The following PACS1 variants were observed in gnomAD, a reference collection of about 807,000 sequenced individuals.
PACS1 encodes PACS-1.
A neutral mutation model predicts 115.0 loss-of-function variants in PACS1; 24 were observed. The observed-to-expected ratio is 0.21, with a 90% CI of 0.15 to 0.29. The LOEUF (loss-of-function observed/expected upper bound fraction) is 0.29, where lower values mean the gene tolerates loss of function less well. Ranked by LOEUF, PACS1 falls within the 10% of genes least tolerant of loss-of-function variation. The pLI is 1.00. For synonymous variants in PACS1, 453 were observed against 504.5 expected (o/e 0.90, Z 1.37); for missense variants, 838 against 1,251.2 (o/e 0.67, Z 4.98).
At chr11:66,164,448 A>T (rs7127808) in intron 1 of PACS1, among the ~76,000 whole-genome samples, 32,775 of 148,858 alleles carry the variant, frequency 0.22, 3,829 homozygotes, top group East Asian at 0.34. Context: ...TAAAAAAAAA[A>T]TTTTTTTCAT....
At chr11:66,162,124 T>C (rs1859503052) in intron 1 of PACS1, among the ~76,000 whole-genome samples, 1 of 129,260 alleles carries the variant, frequency 7.7e-6, no homozygotes, top group African/African-American at 2.9e-5. Flanking sequence ...TTTTTTTTTT[T>C]TTTTTTTTTT....
At chr11:66,139,270 C>T (rs1858922150) in intron 1 of PACS1, among the ~76,000 whole-genome samples, 1 of 152,132 alleles carries the variant, frequency 6.6e-6, no homozygotes, top group Non-Finnish European at 1.5e-5. Context: ...GCAGGCAATG[C>T]ATAATAATCA....
At chr11:66,176,710 G>A (rs1422418957) in intron 1 of PACS1, among the ~76,000 whole-genome samples, 2 of 151,950 alleles carry the variant, frequency 1.3e-5, no homozygotes, top group African/African-American at 4.8e-5. Flanking sequence ...CATCATGCCC[G>A]GTCCATATAC....
Position 66,124,735 on chromosome 11 carries a change from C to CTT in PACS1, c.356+53895_356+53896dup, listed in dbSNP as rs745561793. ...TCAGTGTGTGTCATCAGTTAGAATG[C>CTT]TTTCACCTTCAAGAAACAGAAAAGC... On this transcript the variant is annotated intron_variant, in intron 1 of 23. Coordinates refer to ENST00000320580, the MANE Select transcript of PACS1 (RefSeq NM_018026.4). Among the ~76,000 whole-genome samples, 11 of 152,294 alleles carry CTT rather than the reference C, an allele frequency of 7.2e-5. No homozygotes were observed. The East Asian group carries it at 9.6e-4, about 13-fold the overall frequency.
chr11:66,086,295 C>T (rs1288864799), intron 1 of PACS1, among the ~76,000 whole-genome samples: 1 of 151,810 alleles, frequency 6.6e-6, no homozygotes, highest in Non-Finnish European at 1.5e-5. Flanking sequence ...CCCGCTACCT[C>T]GCCCGGCTAA....
intron 1 of PACS1, among the ~76,000 whole-genome samples, chr11:66,113,936 T>G (rs1473380982): frequency 6.6e-6 from 1 of 152,180 alleles, no homozygotes; most frequent in African/African-American, 2.4e-5. Flanking sequence ...GGGTATGATG[T>G]GAAAGTGCCA....
At chr11:66,100,796 T>C in intron 1 of PACS1, 1 of 456,308 alleles carries the variant, frequency 2.2e-6, no homozygotes, top group Non-Finnish European at 4.4e-6. Flanking sequence ...TGATGCCAGC[T>C]ATTAGCTGGG....
chr11:66,228,311 C>T (rs964689001), intron 11 of PACS1, among the ~76,000 whole-genome samples: 2 of 152,012 alleles, frequency 1.3e-5, no homozygotes, highest in South Asian at 2.1e-4. Context: ...ATGAGCCTCA[C>T]GGTGGGACCT....
chr11:66,166,272 C>T (rs950220520), intron 1 of PACS1, among the ~76,000 whole-genome samples: 15 of 151,978 alleles, frequency 9.9e-5, no homozygotes, highest in African/African-American at 2.9e-4. Context: ...CTCAGCCTCC[C>T]GAGTAGCTGG....
chr11:66,212,513 C>T (rs1344847735), intron 4 of PACS1, among the ~76,000 whole-genome samples: 1 of 151,660 alleles, frequency 6.6e-6, no homozygotes, highest in Non-Finnish European at 1.5e-5. Context: ...TCAAGCAATC[C>T]TCCCTCCTTG....
intron 1 of PACS1, among the ~76,000 whole-genome samples, chr11:66,115,438 G>A (rs933096910): frequency 2.0e-4 from 30 of 152,192 alleles, no homozygotes; most frequent in African/African-American, 6.0e-4. Context: ...TGGTTTATTA[G>A]CACTCAAAAT....
At chr11:66,096,865 CTTT>C (rs549622182) in intron 1 of PACS1, among the ~76,000 whole-genome samples, 5 of 140,950 alleles carry the variant, frequency 3.5e-5, no homozygotes, top group Non-Finnish European at 4.7e-5. Context: ...CTCTCTCTCT[CTTT>C]TTTTTTTTTT....
intron 7 of PACS1, chr11:66,218,089 C>T (rs1224301793): frequency 6.5e-6 from 1 of 152,894 alleles, no homozygotes. Context: ...CATGCGCATT[C>T]TTCTCTCCCA....
At chr11:66,191,163 G>A (rs1381393036) in intron 1 of PACS1, among the ~76,000 whole-genome samples, 5 of 152,142 alleles carry the variant, frequency 3.3e-5, no homozygotes, top group Non-Finnish European at 7.4e-5. Flanking sequence ...TCTTGAGGCT[G>A]CATATTCCTT....
intron 11 of PACS1, among the ~76,000 whole-genome samples, chr11:66,230,155 A>ATT (rs1565156268): frequency 8.4e-4 from 117 of 139,870 alleles, no homozygotes; most frequent in African/African-American, 2.9e-3. Flanking sequence ...AAAAAAAAAG[A>ATT]AAAAAAAAAA....
chr11:66,243,056 G>A, intron 23 of PACS1, 25 bp downstream of exon 23: 1 of 1,613,672 alleles, frequency 6.2e-7, no homozygotes, highest in Non-Finnish European at 8.5e-7. Context: ...AGGGCCGGGA[G>A]GAGGGCAAGA....
At chr11:66,073,241 A>G (rs997780028) in intron 1 of PACS1, among the ~76,000 whole-genome samples, 3 of 152,234 alleles carry the variant, frequency 2.0e-5, no homozygotes, top group African/African-American at 7.2e-5. Flanking sequence ...GGTCTTTCCA[A>G]TTATTAGAGT....
chr11:66,143,693 G>A (rs1336211642), intron 1 of PACS1, among the ~76,000 whole-genome samples: 1 of 152,156 alleles, frequency 6.6e-6, no homozygotes, highest in Non-Finnish European at 1.5e-5. Flanking sequence ...AGGCTGGAGT[G>A]CAGTGGCACA....
At chr11:66,222,831 C>G (rs1406984238) in intron 10 of PACS1, among the ~76,000 whole-genome samples, 1 of 152,128 alleles carries the variant, frequency 6.6e-6, no homozygotes, top group African/African-American at 2.4e-5. Flanking sequence ...CCCTGGCTGC[C>G]CTTCTGCCTG....
Sources: gnomAD v4.1 joint callset for allele counts (sites outside exome capture counted in the v4.1 genomes callset) on GRCh38, gnomAD v4.1.1 for gene constraint, MANE v1.5 for transcripts, NCBI Gene and HGNC (gene_info 2026-07-23, HGNC 2026-07-21) for gene names.